PDS5A: variants seen among roughly 807,000 people sequenced by gnomAD.
The protein encoded by PDS5A is PDS5 cohesin associated factor A.
In PDS5A, 42 loss-of-function variants were observed where a neutral mutation model predicts 167.1. That is an observed-to-expected ratio of 0.25 (90% CI 0.20 to 0.33). The LOEUF is 0.33. PDS5A is among the 10% of genes least tolerant of loss of function. The pLI is 1.00. For missense variants in PDS5A, 1,033 were observed against 1,605.9 expected, an observed-to-expected ratio of 0.64 and a Z score of 6.10; for synonymous variants, 553 against 554.6, an observed-to-expected ratio of 1.00 and a Z score of 0.04.
At chr4:39,872,323 C>T (rs1052907761) in intron 21 of PDS5A, among the ~76,000 whole-genome samples, 3 of 151,838 alleles carry the variant, frequency 2.0e-5, no homozygotes, top group Non-Finnish European at 4.4e-5. Flanking sequence ...ATTACAGCTG[C>T]CGTCACCACA....
At chr4:39,896,791 C>CT (rs58818457) in intron 16 of PDS5A, among the ~76,000 whole-genome samples, 1 of 150,748 alleles carries the variant, frequency 6.6e-6, no homozygotes, top group Non-Finnish European at 1.5e-5. Context: ...AGTTTTAAAA[C>CT]TTTTTTTTGT....
At chr4:39,962,341 C>T (rs1022168533) in intron 2 of PDS5A, among the ~76,000 whole-genome samples, 1 of 152,040 alleles carries the variant, frequency 6.6e-6, no homozygotes, top group Non-Finnish European at 1.5e-5. Context: ...CAGGCGTAAG[C>T]CACCGCGCCC....
At chr4:39,883,327 C>T (rs565226771) in intron 17 of PDS5A, among the ~76,000 whole-genome samples, 5 of 151,938 alleles carry the variant, frequency 3.3e-5, no homozygotes, top group African/African-American at 7.3e-5. Context: ...ATTACAGGCA[C>T]GCACCACCAC....
chr4:39,902,415 G>A lies in PDS5A; in HGVS notation c.1431C>T (p.Asn477=), dbSNP rs780216804. 7 of 1,594,134 alleles carry A rather than the reference G, an allele frequency of 4.4e-6. No individual in the cohort carries two copies. Among genetic ancestry groups the A allele is most frequent in the Non-Finnish European group, 5.1e-6 (6 of 1,166,252 alleles). Residue 477 remains asparagine, a synonymous_variant, in exon 13 of 33, where the codon AAC becomes AAT. Transcript: ENST00000303538. The stretch of plus-strand genomic sequence containing the variant: ...ATTTCATTCTCTCTTCTGTTTCCAG[G>A]TTGTGGGGGACAAGATACTGAGCAA... The part of the protein sequence containing the change: ...KIFAQYLVPH[N]LETEERMKCL...
At chr4:39,954,659 CAA>C (rs1728744974) in intron 2 of PDS5A, among the ~76,000 whole-genome samples, 1 of 70,100 alleles carries the variant, frequency 1.4e-5, no homozygotes, top group Non-Finnish European at 2.6e-5. Context: ...TACCCATTGT[CAA>C]GAGATAAGTA....
intron 26 of PDS5A, among the ~76,000 whole-genome samples, chr4:39,861,867 T>C (rs1719033656): frequency 6.6e-6 from 1 of 152,228 alleles, no homozygotes; most frequent in Non-Finnish European, 1.5e-5. Flanking sequence ...TATGCTCCAC[T>C]GTTTTCAGTT....
chr4:39,867,245 AT>A (rs531784005), intron 22 of PDS5A, among the ~76,000 whole-genome samples: 4,550 of 148,726 alleles, frequency 0.031, 196 homozygotes, highest in African/African-American at 0.1. Flanking sequence ...TATGAGGAAG[AT>A]TTTTTTTTTT....
At chr4:39,956,154 G>C (rs925636715) in intron 2 of PDS5A, among the ~76,000 whole-genome samples, 1 of 151,304 alleles carries the variant, frequency 6.6e-6, no homozygotes. Flanking sequence ...AACAGTATAA[G>C]AAAAACGTAT....
At position 39,886,640 on chromosome 4, in the gene PDS5A, G is replaced by A. The variant is rs184016433; in HGVS notation, c.1886+3609C>T. On this transcript the variant is annotated intron_variant, in intron 17 of 32. Coordinates refer to ENST00000303538, the MANE Select transcript of PDS5A (RefSeq NM_001100399.2). ...AGGCAGGAGAATTGCTCGAACACAG[G>A]AGGTGGAGGCTGTGGTGAGCCAAGA... 4.0e-3 allele frequency among the ~76,000 whole-genome samples: 601 copies of A among 152,076 alleles called. 3 individuals carry two copies. Among genetic ancestry groups the A allele is most frequent in the Admixed American group, 8.2e-3 (125 of 15,262 alleles).
In PDS5A at chr4:39,913,605, T is replaced by A. The variant is rs1724088090; in HGVS notation, c.992+6A>T. 5.4e-6 allele frequency: 8 copies of A among 1,469,922 alleles called. No homozygotes were observed. Among genetic ancestry groups the A allele is most frequent in the Non-Finnish European group, 6.7e-6 (7 of 1,048,354 alleles). 91.1% of individuals were successfully genotyped at this position (1,469,922 alleles called of 1,614,324 possible). On this transcript the variant is annotated splice_donor_region_variant and intron_variant, in intron 9 of 32. Transcript: ENST00000303538. ...ATATAAACATCAGAATTATATGTTC[T>A]CTTACCGTCCAAGAAAACATTGCCA...
chr4:39,931,531 T>TA (rs1449371978), intron 2 of PDS5A, among the ~76,000 whole-genome samples: 2 of 152,294 alleles, frequency 1.3e-5, no homozygotes, highest in East Asian at 3.9e-4. Context: ...AACTCATTCT[T>TA]ACGGTTCTAA....
intron 21 of PDS5A, among the ~76,000 whole-genome samples, chr4:39,869,856 C>A (rs566121727): frequency 1.3e-5 from 2 of 152,216 alleles, no homozygotes; most frequent in East Asian, 3.9e-4. Context: ...CCTGTAATCC[C>A]AGCACTATGG....
intron 32 of PDS5A, among the ~76,000 whole-genome samples, chr4:39,826,847 C>A (rs1253187862): frequency 6.6e-6 from 1 of 151,972 alleles, no homozygotes; most frequent in Non-Finnish European, 1.5e-5. Flanking sequence ...CAATTTTACA[C>A]CTAAAAGAGA....
chr4:39,974,324 T>C, intron 2 of PDS5A: 1 of 508,866 alleles, frequency 2.0e-6, no homozygotes, highest in Admixed American at 2.2e-5. Flanking sequence ...AACAGAGCGG[T>C]TGCTAACACA....
In PDS5A at chr4:39,929,519, C is replaced by CTCTATATATATATATATA. The variant is rs1346928018; in HGVS notation, c.139-1356_139-1355insTATATATATATATATAGA. Among the ~76,000 whole-genome samples, 60 of 79,400 alleles carry CTCTATATATATATATATA rather than the reference C, an allele frequency of 7.6e-4. 3 individuals are homozygous for CTCTATATATATATATATA. The highest frequency in any genetic ancestry group is 4.0e-3 in the African/African-American group (46 of 11,426). 52.1% of individuals were successfully genotyped at this position (79,400 alleles called of 152,430 possible). ...GCCTTGTGAGTTAATACTTAATAAA[C>CTCTATATATATATATATA]TATATATATATATATATATATATAT... On this transcript the variant is annotated intron_variant, in intron 2 of 32. Transcript: ENST00000303538.
intron 26 of PDS5A, among the ~76,000 whole-genome samples, chr4:39,861,086 T>C (rs1718949711): frequency 6.8e-6 from 1 of 147,260 alleles, no homozygotes; most frequent in Admixed American, 6.8e-5. Context: ...AAAAATAGAA[T>C]AAAAATGAAG....
Position 39,873,132 on chromosome 4 carries a change from T to A in PDS5A, c.2290A>T (p.Ser764Cys). Residue 764 changes from serine (S) to cysteine (C), a missense_variant, in exon 21 of 33, where the codon AGT becomes TGT. Physicochemically the swap from Ser to Cys is moderately radical, Grantham distance 112. This residue lies in a region of PDS5A where 367 missense variants were observed against 686.7 expected (regional missense o/e 0.53). Transcript: ENST00000303538. ...TGTTCTGGCACATCAGCATTCAGACTCCTACTGAGTGGCTATAAAAATAAA... is the reference window on the plus strand; with the variant it reads ...TGTTCTGGCACATCAGCATTCAGACACCTACTGAGTGGCTATAAAAATAAA... ...LAQIFEPLSRSLNADVPEQLI... is the reference protein window; with the variant it reads ...LAQIFEPLSRCLNADVPEQLI... The A allele has an allele frequency of 6.7e-7, 1 of 1,486,692 alleles. No individual in the cohort carries two copies. Among genetic ancestry groups the A allele is most frequent in the Non-Finnish European group, 9.1e-7 (1 of 1,101,848 alleles). 92.1% of individuals were successfully genotyped at this position (1,486,692 alleles called of 1,614,324 possible).
At chr4:39,864,151 C>CA (rs1251994839) in intron 23 of PDS5A, among the ~76,000 whole-genome samples, 5 of 150,280 alleles carry the variant, frequency 3.3e-5, no homozygotes, top group South Asian at 4.2e-4. Flanking sequence ...AAACAAAAAA[C>CA]AAAAAACAAA....
chr4:39,827,717 C>T lies in PDS5A; in HGVS notation c.4011-2229G>A, dbSNP rs752144251. Among the ~76,000 whole-genome samples the T allele has an allele frequency of 3.9e-5, 6 of 152,268 alleles. No homozygotes were observed. The East Asian group carries it at 9.7e-4, about 25-fold the overall frequency. ...ATTCTAAGATCCTTGAACACTCCCA[C>T]ACTAAGCATGCTAAACAAAACATGT... On this transcript the variant is annotated intron_variant, in intron 32 of 32. Transcript: ENST00000303538.
Sources: allele counts gnomAD v4.1 joint callset (sites outside exome capture counted in the v4.1 genomes callset), GRCh38; gene constraint gnomAD v4.1.1; regional missense constraint gnomAD v4.1.1; transcripts MANE v1.5; gene names NCBI Gene and HGNC (gene_info 2026-07-23, HGNC 2026-07-21).